KCND2: variants seen among roughly 807,000 people sequenced by gnomAD.
The protein encoded by KCND2 is A-type voltage-gated potassium channel KCND2.
In KCND2, 16 loss-of-function variants were observed where a neutral mutation model predicts 54.4. The ratio of observed to expected loss-of-function variants is 0.29; its 90% CI spans 0.20 to 0.45. KCND2 has a LOEUF of 0.45. Ranked by LOEUF, KCND2 falls within the 20% of genes least tolerant of loss-of-function variation. The pLI is 1.00. For synonymous variants in KCND2, 317 were observed against 310.7 expected, an observed-to-expected ratio of 1.02 and a Z score of -0.21; for missense variants, 486 against 824.2, an observed-to-expected ratio of 0.59 and a Z score of 5.02.
At chr7:120,724,018 C>A (rs1178413292) in intron 1 of KCND2, among the ~76,000 whole-genome samples, 1 of 152,084 alleles carries the variant, frequency 6.6e-6, no homozygotes, top group Non-Finnish European at 1.5e-5. Context: ...AATAAGAAAT[C>A]TGGTTCAGGA....
chr7:120,473,635 A>G (rs780265261), intron 1 of KCND2, among the ~76,000 whole-genome samples: 1 of 152,232 alleles, frequency 6.6e-6, no homozygotes, highest in Non-Finnish European at 1.5e-5. Flanking sequence ...TGTCAAGTCT[A>G]TAATTAACCA....
chr7:120,288,964 G>A (rs932383332), intron 1 of KCND2, among the ~76,000 whole-genome samples: 1 of 151,850 alleles, frequency 6.6e-6, no homozygotes, highest in Non-Finnish European at 1.5e-5. Flanking sequence ...TCAACTGCTT[G>A]TAAGGCCTCT....
intron 1 of KCND2, among the ~76,000 whole-genome samples, chr7:120,595,545 ATG>A (rs1183568510): frequency 1.1e-4 from 16 of 140,356 alleles, no homozygotes; most frequent in South Asian, 4.4e-4. Flanking sequence ...ATATATGTAT[ATG>A]TGTGTGTGTA....
chr7:120,434,961 TGAA>T (rs1315830122), intron 1 of KCND2, among the ~76,000 whole-genome samples: 1 of 151,542 alleles, frequency 6.6e-6, no homozygotes, highest in African/African-American at 2.4e-5. Flanking sequence ...TTGGAAGACT[TGAA>T]GAAAAAAAAA....
intron 1 of KCND2, among the ~76,000 whole-genome samples, chr7:120,328,667 G>A (rs1800016841): frequency 6.6e-6 from 1 of 152,014 alleles, no homozygotes. Flanking sequence ...TCAAAATATG[G>A]TGATAAATTT....
At chr7:120,532,738 G>A (rs1180618882) in intron 1 of KCND2, among the ~76,000 whole-genome samples, 1 of 151,414 alleles carries the variant, frequency 6.6e-6, no homozygotes, top group Non-Finnish European at 1.5e-5. Flanking sequence ...ATAAACAAAT[G>A]GAATAAAATA....
intron 2 of KCND2, among the ~76,000 whole-genome samples, chr7:120,741,105 C>G (rs1368751916): frequency 2.7e-5 from 4 of 150,870 alleles, no homozygotes; most frequent in Non-Finnish European, 5.9e-5. Context: ...TACTTAGTTA[C>G]TAATTTTTTT....
At position 120,273,798 on chromosome 7, in the gene KCND2, A is replaced by C. The variant is rs1248038786; in HGVS notation, c.-835A>C. The C allele has an allele frequency of 6.5e-6, 1 of 152,798 alleles. No individual in the cohort carries two copies. Among genetic ancestry groups the C allele is most frequent in the Non-Finnish European group, 1.5e-5 (1 of 68,220 alleles). The allele number at this position is 152,798 out of a possible 1,614,324, so 9.5% of individuals were successfully genotyped here. ...CGCGGGAGCGGCGCGTTCTGCGCGG[A>C]AGCAGATGCTGCTGCCGCCACGGCG... On this transcript the variant is annotated 5_prime_UTR_variant, in exon 1 of 6. Transcript: ENST00000331113.
chr7:120,451,970 AAT>A (rs1384036116), intron 1 of KCND2, among the ~76,000 whole-genome samples: 6 of 152,238 alleles, frequency 3.9e-5, no homozygotes, highest in Non-Finnish European at 8.8e-5. Flanking sequence ...CTATAAGGCT[AAT>A]TATTCAAACT....
At chr7:120,351,365 T>TACAC (rs59756091) in intron 1 of KCND2, among the ~76,000 whole-genome samples, 74 of 94,774 alleles carry the variant, frequency 7.8e-4, no homozygotes, top group African/African-American at 2.5e-3. Context: ...TCGAAGAGCA[T>TACAC]ACACACACAC....
intron 1 of KCND2, among the ~76,000 whole-genome samples, chr7:120,664,638 T>C (rs1791903550): frequency 6.6e-6 from 1 of 151,964 alleles, no homozygotes; most frequent in African/African-American, 2.4e-5. Context: ...ATGTTATAGG[T>C]TTTCAAGCAC....
intron 1 of KCND2, among the ~76,000 whole-genome samples, chr7:120,410,693 C>T (rs1267301640): frequency 8.1e-6 from 1 of 123,720 alleles, no homozygotes; most frequent in South Asian, 3.3e-4. Flanking sequence ...CTCTCCCACC[C>T]CCCTCCCCCT....
intron 1 of KCND2, among the ~76,000 whole-genome samples, chr7:120,447,371 A>T (rs947369526): frequency 2.6e-5 from 4 of 151,954 alleles, no homozygotes; most frequent in Admixed American, 2.6e-4. Context: ...AAAAAGAAAA[A>T]AAAAAGAAAA....
At position 120,745,767 on chromosome 7, in the gene KCND2, A is replaced by C; in HGVS notation, c.1468-13A>C. ...CTTCTCTGTTTCTTCATTTACTTAC[A>C]ACTGTGGAACAGAATCACGAGTTTG... is the stretch of plus-strand genomic sequence containing the variant. On this transcript the variant is annotated splice_polypyrimidine_tract_variant and intron_variant, in intron 4 of 5. Coordinates refer to ENST00000331113, the MANE Select transcript of KCND2 (RefSeq NM_012281.3). 1.2e-6 allele frequency: 2 copies of C among 1,613,528 alleles called. No homozygotes were observed. Among genetic ancestry groups the C allele is most frequent in the Non-Finnish European group, 1.7e-6 (2 of 1,179,622 alleles).
intron 1 of KCND2, among the ~76,000 whole-genome samples, chr7:120,403,759 T>A (rs373766915): frequency 6.6e-6 from 1 of 152,064 alleles, no homozygotes; most frequent in Non-Finnish European, 1.5e-5. Flanking sequence ...ACAACACATA[T>A]GTCTAATTTT....
intron 1 of KCND2, among the ~76,000 whole-genome samples, chr7:120,700,205 A>T (rs1792383170): frequency 6.6e-6 from 1 of 152,330 alleles, no homozygotes; most frequent in East Asian, 1.9e-4. Context: ...AGTAGAGTAG[A>T]TGAGCATTGA....
intron 1 of KCND2, among the ~76,000 whole-genome samples, chr7:120,682,978 C>T (rs1792158782): frequency 6.6e-6 from 1 of 152,116 alleles, no homozygotes; most frequent in Non-Finnish European, 1.5e-5. Context: ...GGTCAGCCTT[C>T]CCAAGTGTCA....
intron 4 of KCND2, among the ~76,000 whole-genome samples, chr7:120,745,206 G>A (rs1322737786): frequency 6.6e-6 from 1 of 152,036 alleles, no homozygotes; most frequent in Non-Finnish European, 1.5e-5. Flanking sequence ...CTTATGTAAC[G>A]AATAAGTCAT....
chr7:120,488,748 AT>A (rs933493062), intron 1 of KCND2, among the ~76,000 whole-genome samples: 22 of 150,714 alleles, frequency 1.5e-4, no homozygotes, highest in Non-Finnish European at 2.2e-4. Flanking sequence ...TTTTTGGTTC[AT>A]TTTTTTTTAT....
Sources: gnomAD v4.1 joint callset for allele counts (sites outside exome capture counted in the v4.1 genomes callset) on GRCh38, gnomAD v4.1.1 for gene constraint, MANE v1.5 for transcripts, NCBI Gene and HGNC (gene_info 2026-07-23, HGNC 2026-07-21) for gene names.